The following YIPF6 variants were observed in gnomAD, a reference collection of about 807,000 sequenced individuals.
The protein encoded by YIPF6 is Yip1 domain family member 6.
A neutral mutation model predicts 16.8 loss-of-function variants in YIPF6; 3 were observed. That is an observed-to-expected ratio of 0.18 (90% confidence interval 0.08 to 0.46). YIPF6 has a LOEUF of 0.46. Ranked by LOEUF, YIPF6 falls within the 20% of genes least tolerant of loss-of-function variation. YIPF6 has a pLI of 0.98. For missense variants in YIPF6, 145 were observed against 184.9 expected, an observed-to-expected ratio of 0.78 and a Z score of 1.25; for synonymous variants, 67 against 61.9, an observed-to-expected ratio of 1.08 and a Z score of -0.38.
At chrX:68,528,248 G>A (rs1453880186) in intron 6 of YIPF6, among the ~76,000 whole-genome samples, 1 of 111,632 alleles carries the variant, frequency 9.0e-6, no homozygotes, top group Non-Finnish European at 1.9e-5. Flanking sequence ...GCCCTTCTTT[G>A]TCTTTTTTGA....
intron 1 of YIPF6, among the ~76,000 whole-genome samples, chrX:68,499,374 C>G (rs2079032420): frequency 8.9e-6 from 1 of 112,249 alleles, no homozygotes; most frequent in Non-Finnish European, 1.9e-5. Flanking sequence ...TCCCAGGTCT[C>G]GTCATCGTCC....
chrX:68,524,166 T>C (rs1322189266), intron 6 of YIPF6, among the ~76,000 whole-genome samples: 1 of 110,672 alleles, frequency 9.0e-6, no homozygotes, highest in Non-Finnish European at 1.9e-5. Flanking sequence ...AGAGATGTGA[T>C]GATGATGATG....
chrX:68,502,425 G>A (rs1774908218), intron 1 of YIPF6, among the ~76,000 whole-genome samples: 1 of 111,604 alleles, frequency 9.0e-6, no homozygotes. Context: ...GTTGGTCTGG[G>A]ATAGGGCCCG....
At chrX:68,506,427 C>T (rs906420744) in intron 1 of YIPF6, among the ~76,000 whole-genome samples, 7 of 110,538 alleles carry the variant, frequency 6.3e-5, no homozygotes, top group African/African-American at 2.3e-4. Context: ...TGGCTGGGCA[C>T]GGTGGCTCAT....
At position 68,521,361 on chromosome X, in the gene YIPF6, C is replaced by G. The variant is rs2079125024; in HGVS notation, c.309-11C>G. The G allele has an allele frequency of 5.8e-6, 7 of 1,204,548 alleles. 1 individual carries two copies. Among genetic ancestry groups the G allele is most frequent in the Admixed American group, 4.5e-5 (2 of 44,581 alleles). On this transcript the variant is annotated splice_polypyrimidine_tract_variant and intron_variant, in intron 4 of 6. Transcript: ENST00000462683. ...AGATTAAGCAATTCTTACGCTGTTT[C>G]CTTTTCTCAGAATGCTGCAAAGAGA...
chrX:68,508,426 C>A (rs1240402271), intron 1 of YIPF6, among the ~76,000 whole-genome samples: 1 of 111,872 alleles, frequency 8.9e-6, no homozygotes, highest in Non-Finnish European at 1.9e-5. Context: ...GAGCCATTAT[C>A]TTTCTATTCT....
intron 5 of YIPF6, 138 bp from the exon 6 acceptor site, chrX:68,522,622 T>A: frequency 1.7e-6 from 1 of 601,394 alleles, no homozygotes; most frequent in Non-Finnish European, 2.4e-6. Context: ...ATGTACTTAA[T>A]AATTAATGTT....
At chrX:68,521,762 A>AT (rs1184721211) in intron 5 of YIPF6, among the ~76,000 whole-genome samples, 1 of 107,021 alleles carries the variant, frequency 9.3e-6, no homozygotes, top group African/African-American at 3.6e-5. Context: ...TAATTAAAAA[A>AT]ATTTTTTTTT....
rs1297915564 is a variant in YIPF6 at position 68,517,744 on chromosome X, GA to G, written c.266-1025del. On this transcript the variant is annotated intron_variant, in intron 3 of 6. Transcript: ENST00000462683. ...GCACTTTGCGAGGCTGAGGCAGGTG[GA>G]TCGCTTGAGGCCAGGAGTTTGAGAC... 8.7e-3 allele frequency among the ~76,000 whole-genome samples: 957 copies of G among 109,984 alleles called. 6 individuals carry two copies. Among genetic ancestry groups the G allele is most frequent in the African/African-American group, 0.03 (920 of 30,269 alleles).
In YIPF6 at chrX:68,533,058, A is replaced by G. The variant is rs921662547; in HGVS notation, c.*1059A>G. ...AATAGAACAGCTAGATACTTAGAGC[A>G]TGACGTGGGATGGGATGAGTTTACA... On this transcript the variant is annotated 3_prime_UTR_variant, in exon 7 of 7. Coordinates refer to ENST00000462683, the MANE Select transcript of YIPF6 (RefSeq NM_173834.4). The G allele has an allele frequency of 8.9e-6, 1 of 112,289 alleles. No individual in the cohort carries two copies. The highest frequency in any genetic ancestry group is 1.9e-5 in the Non-Finnish European group (1 of 53,281). The allele number at this position is 112,289 out of a possible 1,213,427, so 9.3% of individuals were successfully genotyped here. A position where few individuals can be genotyped will look rare whatever the true frequency, so the allele number is the denominator to read the frequency against.
chrX:68,500,866 C>G (rs2147816299), intron 1 of YIPF6, among the ~76,000 whole-genome samples: 1 of 112,041 alleles, frequency 8.9e-6, no homozygotes, highest in East Asian at 2.8e-4. Flanking sequence ...CCCCAGTTTC[C>G]TCCTTTGGAA....
At chrX:68,503,961 C>T (rs139668208) in intron 1 of YIPF6, among the ~76,000 whole-genome samples, 192 of 112,211 alleles carry the variant, frequency 1.7e-3, no homozygotes, top group African/African-American at 6.1e-3. Flanking sequence ...TCAAGTTATC[C>T]GCCCATCTTG....
At chrX:68,527,258 C>T (rs558409542) in intron 6 of YIPF6, among the ~76,000 whole-genome samples, 3 of 112,145 alleles carry the variant, frequency 2.7e-5, no homozygotes, top group African/African-American at 9.7e-5. Flanking sequence ...GGTTTATTTG[C>T]ATAGAGGTAT....
intron 6 of YIPF6, among the ~76,000 whole-genome samples, chrX:68,526,549 G>A (rs780929249): frequency 9.0e-6 from 1 of 111,718 alleles, no homozygotes; most frequent in Admixed American, 9.6e-5. Context: ...CTTGTCTTGT[G>A]CTGGTTTTCA....
Position 68,532,715 on chromosome X carries a change from C to T in YIPF6, c.*716C>T, listed in dbSNP as rs1381774159. Reference sequence around the variant, plus strand: ...TCTTGGTTGGCACTCTAGTCTTAATCTTGCTCCTTAACTTTGAATATGCAG... The same window carrying T: ...TCTTGGTTGGCACTCTAGTCTTAATTTTGCTCCTTAACTTTGAATATGCAG... On this transcript the variant is annotated 3_prime_UTR_variant, in exon 7 of 7. Coordinates refer to ENST00000462683, the MANE Select transcript of YIPF6 (RefSeq NM_173834.4). 2 of 110,705 alleles carry T rather than the reference C, an allele frequency of 1.8e-5. No individual in the cohort carries two copies. The highest frequency in any genetic ancestry group is 3.8e-5 in the Non-Finnish European group (2 of 52,979). The allele number at this position is 110,705 out of a possible 1,213,427, so 9.1% of individuals were successfully genotyped here.
chrX:68,499,655 C>T (rs184163188), intron 1 of YIPF6, among the ~76,000 whole-genome samples: 3 of 111,547 alleles, frequency 2.7e-5, no homozygotes, highest in East Asian at 5.6e-4. Flanking sequence ...TTTTAAAAAT[C>T]GAGACAAGGT....
intron 1 of YIPF6, among the ~76,000 whole-genome samples, chrX:68,510,364 AT>A (rs1002919951): frequency 4.5e-5 from 5 of 109,989 alleles, no homozygotes; most frequent in Non-Finnish European, 9.5e-5. Flanking sequence ...TTGTTTAATA[AT>A]TGTGTGAAGT....
rs190410191 is a variant in YIPF6 at position 68,516,219 on chromosome X, A to G, written c.266-2551A>G. On this transcript the variant is annotated intron_variant, in intron 3 of 6. Transcript: ENST00000462683. ...ACTTTTTAAGTAGAAGTATACTCCA[A>G]CATAACAATGAAAAGTATAATATAG... Among the ~76,000 whole-genome samples, 232 of 112,352 alleles carry G rather than the reference A, an allele frequency of 2.1e-3. 2 individuals are homozygous for G. The highest frequency in any genetic ancestry group is 7.2e-3 in the African/African-American group (223 of 30,979).
At chrX:68,506,494 G>A (rs1052384983) in intron 1 of YIPF6, among the ~76,000 whole-genome samples, 3 of 109,752 alleles carry the variant, frequency 2.7e-5, no homozygotes, top group Non-Finnish European at 3.8e-5. Context: ...GAGCCCAGAG[G>A]TTCGAGATCA....
Sources: gnomAD v4.1 joint callset for allele counts (sites outside exome capture counted in the v4.1 genomes callset) on GRCh38, gnomAD v4.1.1 for gene constraint, MANE v1.5 for transcripts, NCBI Gene and HGNC (gene_info 2026-07-23, HGNC 2026-07-21) for gene names.